The following GPC6 variants were observed in gnomAD, a reference collection of about 807,000 sequenced individuals.
GPC6 encodes glypican-6.
In GPC6, 14 loss-of-function variants were observed where a neutral mutation model predicts 55.2. That is an observed-to-expected ratio of 0.25 (90% CI 0.17 to 0.40). GPC6 has a LOEUF of 0.40. Ranked by LOEUF, GPC6 falls within the 10% of genes least tolerant of loss-of-function variation. The probability of loss-of-function intolerance (pLI) is 1.00; values close to 1 mark genes in which losing one functional copy is unlikely to be tolerated. For synonymous variants in GPC6, 278 were observed against 259.6 expected, an observed-to-expected ratio of 1.07 and a Z score of -0.68; for missense variants, 641 against 708.5, an observed-to-expected ratio of 0.90 and a Z score of 1.08.
chr13:93,924,550 A>G (rs1018696540), intron 3 of GPC6, among the ~76,000 whole-genome samples: 1 of 152,194 alleles, frequency 6.6e-6, no homozygotes, highest in African/African-American at 2.4e-5. Context: ...CCCTGTATTC[A>G]TTAAAAAGGA....
At chr13:93,666,343 T>C (rs576940656) in intron 2 of GPC6, among the ~76,000 whole-genome samples, 6 of 151,980 alleles carry the variant, frequency 3.9e-5, no homozygotes, top group Admixed American at 3.3e-4. Flanking sequence ...AATTTATACT[T>C]TAAAAAAAAA....
At chr13:93,806,796 G>A (rs1352339651) in intron 2 of GPC6, among the ~76,000 whole-genome samples, 1 of 152,210 alleles carries the variant, frequency 6.6e-6, no homozygotes, top group Non-Finnish European at 1.5e-5. Context: ...ATGCAGATAT[G>A]TGAGAACTAG....
At chr13:94,018,907 C>T (rs1405294472) in intron 3 of GPC6, among the ~76,000 whole-genome samples, 2 of 152,140 alleles carry the variant, frequency 1.3e-5, no homozygotes, top group Admixed American at 6.5e-5. Context: ...CTTGATGATC[C>T]GAGGTGGAAC....
chr13:93,969,755 AC>A (rs765772400), intron 3 of GPC6, among the ~76,000 whole-genome samples: 5 of 151,496 alleles, frequency 3.3e-5, no homozygotes, highest in Non-Finnish European at 5.9e-5. Context: ...TCTGGTAGCC[AC>A]CATTCTACTC....
At chr13:93,765,013 A>G (rs539232398) in intron 2 of GPC6, among the ~76,000 whole-genome samples, 36 of 152,108 alleles carry the variant, frequency 2.4e-4, no homozygotes, top group African/African-American at 8.4e-4. Flanking sequence ...GTTAACCAGG[A>G]TGGTCTCAAT....
chr13:93,993,590 C>A (rs944904177), intron 3 of GPC6, among the ~76,000 whole-genome samples: 16 of 152,006 alleles, frequency 1.1e-4, no homozygotes, highest in Non-Finnish European at 4.4e-5. Flanking sequence ...GCCAGTGCAC[C>A]CAGACTCTTA....
intron 2 of GPC6, among the ~76,000 whole-genome samples, chr13:93,776,185 T>C (rs886625008): frequency 1.9e-4 from 29 of 152,288 alleles, no homozygotes; most frequent in African/African-American, 6.5e-4. Flanking sequence ...TCTCTCAATG[T>C]TGTACTTTAC....
At chr13:94,228,757 G>A (rs1226157097) in intron 4 of GPC6, among the ~76,000 whole-genome samples, 1 of 149,864 alleles carries the variant, frequency 6.7e-6, no homozygotes. Flanking sequence ...AGTGGGGTTT[G>A]TTGAATGCCC....
intron 6 of GPC6, among the ~76,000 whole-genome samples, chr13:94,347,530 GA>G (rs554315392): frequency 3.9e-4 from 59 of 152,216 alleles, no homozygotes; most frequent in African/African-American, 1.3e-3. Flanking sequence ...AACAGAAATT[GA>G]ATTTTTCTTT....
In GPC6 at chr13:93,441,795, T is replaced by G. The variant is rs574685762; in HGVS notation, c.161-103468T>G. On this transcript the variant is annotated intron_variant, in intron 1 of 8. Coordinates refer to ENST00000377047, the MANE Select transcript of GPC6 (RefSeq NM_005708.5). Reference sequence around the variant, plus strand: ...TGCCTGTGTCCTGAATGGTATTGCCTAGATTCTCACTCTGTCACTCAGGCT... The same window carrying G: ...TGCCTGTGTCCTGAATGGTATTGCCGAGATTCTCACTCTGTCACTCAGGCT... 3.3e-5 allele frequency among the ~76,000 whole-genome samples: 5 copies of G among 152,310 alleles called. No homozygotes were observed. In the South Asian group the frequency reaches 1.0e-3, roughly 32 times the overall value.
At chr13:94,110,187 G>A (rs1418534676) in intron 4 of GPC6, among the ~76,000 whole-genome samples, 4 of 151,896 alleles carry the variant, frequency 2.6e-5, no homozygotes, top group Non-Finnish European at 4.4e-5. Flanking sequence ...TGGGATACGA[G>A]CGTAGAAAAT....
At chr13:93,523,556 A>T (rs1197288530) in intron 1 of GPC6, among the ~76,000 whole-genome samples, 2 of 140,066 alleles carry the variant, frequency 1.4e-5, no homozygotes, top group African/African-American at 5.2e-5. Flanking sequence ...ACTATAAGTT[A>T]CGCACTTCCT....
chr13:93,248,531 A>C (rs1291604186), intron 1 of GPC6, among the ~76,000 whole-genome samples: 1 of 151,786 alleles, frequency 6.6e-6, no homozygotes, highest in East Asian at 1.9e-4. Flanking sequence ...GCTTTTTCCC[A>C]GTACGACACT....
intron 2 of GPC6, among the ~76,000 whole-genome samples, chr13:93,576,836 G>A (rs914524088): frequency 2.0e-5 from 3 of 152,118 alleles, no homozygotes; most frequent in African/African-American, 7.2e-5. Context: ...TTGCATTGTT[G>A]AGTGTATTAT....
At chr13:93,743,858 A>G (rs1348322378) in intron 2 of GPC6, among the ~76,000 whole-genome samples, 1 of 152,164 alleles carries the variant, frequency 6.6e-6, no homozygotes, top group Non-Finnish European at 1.5e-5. Flanking sequence ...GTTTACTTCA[A>G]TCCTGATCAA....
intron 1 of GPC6, among the ~76,000 whole-genome samples, chr13:93,496,280 C>G (rs1017709104): frequency 6.6e-6 from 1 of 152,148 alleles, no homozygotes; most frequent in East Asian, 1.9e-4. Flanking sequence ...GGGAGTGACC[C>G]GATTTTTCAG....
intron 4 of GPC6, among the ~76,000 whole-genome samples, chr13:94,169,851 C>G (rs1457037071): frequency 6.6e-6 from 1 of 151,904 alleles, no homozygotes; most frequent in Non-Finnish European, 1.5e-5. Flanking sequence ...CTGGAGAGTC[C>G]TACTCCAGCA....
chr13:93,525,341 A>T (rs1881605675), intron 1 of GPC6, among the ~76,000 whole-genome samples: 2 of 152,080 alleles, frequency 1.3e-5, no homozygotes, highest in South Asian at 4.1e-4. Context: ...AGAGGTAACT[A>T]AAGATCATTC....
intron 1 of GPC6, among the ~76,000 whole-genome samples, chr13:93,367,377 T>C (rs1465166250): frequency 3.3e-5 from 5 of 152,238 alleles, no homozygotes; most frequent in Admixed American, 2.0e-4. Context: ...TTTGTCTGTT[T>C]TATTGCTGTT....
Sources: gnomAD v4.1 joint callset for allele counts (sites outside exome capture counted in the v4.1 genomes callset) on GRCh38, gnomAD v4.1.1 for gene constraint, MANE v1.5 for transcripts, NCBI Gene and HGNC (gene_info 2026-07-23, HGNC 2026-07-21) for gene names.